Variants in OTOL1 observed in about 807,000 individuals in gnomAD.
The protein encoded by OTOL1 is otolin 1, also known as otolin-1.
OTOL1 carries 31 observed loss-of-function variants against 25.0 expected under a neutral mutation model. That is an observed-to-expected ratio of 1.24 (90% CI 0.93 to 1.67). OTOL1 has a LOEUF of 1.67. OTOL1 is among the 40% of genes most tolerant of loss of function. The probability of loss-of-function intolerance (pLI) is 0.00; values close to 1 mark genes in which losing one functional copy is unlikely to be tolerated. For synonymous variants in OTOL1, 225 were observed against 210.3 expected, an observed-to-expected ratio of 1.07 and a Z score of -0.61; for missense variants, 654 against 587.7, an observed-to-expected ratio of 1.11 and a Z score of -1.17.
In OTOL1 at chr3:161,499,275, C is replaced by T. The variant is rs1489387682; in HGVS notation, c.454+15C>T. The stretch of plus-strand genomic sequence containing the variant: ...AGGAGAGAAAGGTAGGTAATTCATT[C>T]ATGTCAAAACTCAAGGGACATTCTG... On this transcript the variant is annotated intron_variant, in intron 2 of 3. Transcript: ENST00000327928. 1 of 1,563,328 alleles carries T rather than the reference C, an allele frequency of 6.4e-7. No individual in the cohort carries two copies. Among genetic ancestry groups the T allele is most frequent in the Non-Finnish European group, 8.7e-7 (1 of 1,151,048 alleles).
intron 3 of OTOL1, 40 bp downstream of exon 3, chr3:161,502,409 G>A (rs377763520): frequency 1.4e-5 from 21 of 1,497,856 alleles, no homozygotes; most frequent in African/African-American, 4.1e-5. Flanking sequence ...AGTCAGGTGC[G>A]CAGTATAGCC....
chr3:161,502,303 T>G lies in OTOL1; in HGVS notation c.455-4T>G. On this transcript the variant is annotated splice_region_variant and splice_polypyrimidine_tract_variant and intron_variant, in intron 2 of 3. Transcript: ENST00000327928. ...GTAAAAAGTTAATCTTGGTATCATC[T>G]TAGGACTCAAAGGAGAACGTGGGGA... The G allele has an allele frequency of 1.9e-6, 3 of 1,611,976 alleles. No homozygotes were observed. The highest frequency in any genetic ancestry group is 1.7e-6 in the Non-Finnish European group (2 of 1,178,676).
chr3:161,502,535 G>A (rs1221896630), intron 3 of OTOL1, among the ~76,000 whole-genome samples, 166 bp downstream of exon 3: 1 of 152,148 alleles, frequency 6.6e-6, no homozygotes, highest in Non-Finnish European at 1.5e-5. Flanking sequence ...AACCAGTCTA[G>A]GAATTTGGAG....
intron 1 of OTOL1, among the ~76,000 whole-genome samples, chr3:161,497,496 A>T (rs1718864917): frequency 6.6e-6 from 1 of 152,148 alleles, no homozygotes; most frequent in Admixed American, 6.6e-5. Context: ...TGCTGGTGAG[A>T]GCAAAGTCAG....
Position 161,503,232 on chromosome 3 carries a change from G to T in OTOL1, c.724G>T (p.Gly242Cys). 1 of 1,459,174 alleles carries T rather than the reference G, an allele frequency of 6.9e-7. No homozygotes were observed. Among genetic ancestry groups the T allele is most frequent in the Non-Finnish European group, 9.0e-7 (1 of 1,106,078 alleles). The allele number at this position is 1,459,174 out of a possible 1,614,324, so 90.4% of individuals were successfully genotyped here. Residue 242 changes from glycine (G) to cysteine (C), a missense_variant, in exon 4 of 4, where the codon GGC (glycine) becomes TGC (cysteine). Coordinates refer to ENST00000327928, the MANE Select transcript of OTOL1 (RefSeq NM_001080440.1). Reference protein sequence around the residue: ...MGEKGEMGDKGCCGDSGERGG... With the variant: ...MGEKGEMGDKCCCGDSGERGG... ...GGAGAAGGGGGAGATGGGGGATAAGGGCTGCTGTGGAGATTCTGGGGAGAG... is the reference window on the plus strand; with the variant it reads ...GGAGAAGGGGGAGATGGGGGATAAGTGCTGCTGTGGAGATTCTGGGGAGAG...
At chr3:161,500,654 T>C (rs1455629303) in intron 2 of OTOL1, among the ~76,000 whole-genome samples, 1 of 152,198 alleles carries the variant, frequency 6.6e-6, no homozygotes, top group Non-Finnish European at 1.5e-5. Context: ...TTTCGAGGAA[T>C]TCAAGAAGCA....
chr3:161,503,787 G>A lies in OTOL1; in HGVS notation c.1279G>A (p.Ala427Thr), dbSNP rs1719042910. ...ETLYGQEIDQASLLVILKLSA... is the reference protein window; with the variant it reads ...ETLYGQEIDQTSLLVILKLSA... ...TCTCTATGGTCAGGAAATAGACCAG[G>A]CCTCTCTCCTCGTCATCTTGAAATT... The change falls in exon 4 of 4, where the codon GCC (alanine) becomes ACC (threonine). Residue 427 changes from alanine (A) to threonine (T), a missense_variant. Transcript: ENST00000327928. 2 of 1,613,892 alleles carry A rather than the reference G, an allele frequency of 1.2e-6. No homozygotes were observed. Among genetic ancestry groups the A allele is most frequent in the Non-Finnish European group, 1.7e-6 (2 of 1,179,846 alleles).
intron 1 of OTOL1, among the ~76,000 whole-genome samples, chr3:161,497,782 G>A (rs1718873541): frequency 6.6e-6 from 1 of 151,914 alleles, no homozygotes; most frequent in Non-Finnish European, 1.5e-5. Context: ...TTTCTCCATT[G>A]AACACCATGG....
chr3:161,497,103 T>A lies in OTOL1; in HGVS notation c.296T>A (p.Leu99Ter). 1 of 1,613,624 alleles carries A rather than the reference T, an allele frequency of 6.2e-7. No individual in the cohort carries two copies. The highest frequency in any genetic ancestry group is 1.1e-5 in the South Asian group (1 of 91,074). The change falls in exon 1 of 4, where the codon TTG becomes TAG. Residue 99 changes from leucine to a stop codon, truncating the protein, a stop_gained. Coordinates refer to ENST00000327928, the MANE Select transcript of OTOL1 (RefSeq NM_001080440.1). LOFTEE classifies it high-confidence loss of function. ...NFTLDPADFF[L>*]NCCDCCSPVP... ...ACTCTTGACCCAGCTGATTTCTTTT[T>A]GAATTGTTGTGATTGTTGTTCACCT...
chr3:161,497,729 C>A (rs1469346134), intron 1 of OTOL1, among the ~76,000 whole-genome samples: 1 of 151,862 alleles, frequency 6.6e-6, no homozygotes, highest in Non-Finnish European at 1.5e-5. Flanking sequence ...CCATTTGCTT[C>A]TCATTGAATT....
Position 161,502,389 on chromosome 3 carries a change from T to G in OTOL1, c.517+20T>G. On this transcript the variant is annotated intron_variant, in intron 3 of 3. Coordinates refer to ENST00000327928, the MANE Select transcript of OTOL1 (RefSeq NM_001080440.1). ...CACAAGGTAGAGCATGAAATGTATCTACTGTGTACAGTCAGGTGCGCAGTA... is the reference window on the plus strand; with the variant it reads ...CACAAGGTAGAGCATGAAATGTATCGACTGTGTACAGTCAGGTGCGCAGTA... 1 of 1,604,504 alleles carries G rather than the reference T, an allele frequency of 6.2e-7. No individual in the cohort carries two copies. The highest frequency in any genetic ancestry group is 8.5e-7 in the Non-Finnish European group (1 of 1,172,688).
chr3:161,497,244 A>G, intron 1 of OTOL1, 73 bp downstream of exon 1: 1 of 1,515,050 alleles, frequency 6.6e-7, no homozygotes, highest in Non-Finnish European at 8.9e-7. Flanking sequence ...TGTCGGGTGA[A>G]ATTGCCCCAG....
chr3:161,502,744 A>C (rs1013625399), intron 3 of OTOL1, among the ~76,000 whole-genome samples: 4 of 152,178 alleles, frequency 2.6e-5, no homozygotes, highest in African/African-American at 9.6e-5. Context: ...CAGTCCTAAT[A>C]TTCTTTATTA....
rs761586379 is a variant in OTOL1, at chr3:161,503,534, G to C, written c.1026G>C (p.Arg342=). Residue 342 remains arginine (R), a synonymous_variant, in exon 4 of 4, where the codon CGG becomes CGC. Transcript: ENST00000327928. ...GSKGELARVP[R]SAFSAGLSKP... ...AGGGTGAGTTGGCTAGAGTGCCCCG[G>C]TCGGCTTTCAGCGCTGGTTTGTCAA... 9.7e-5 allele frequency: 157 copies of C among 1,613,724 alleles called. No homozygotes were observed. Among genetic ancestry groups the C allele is most frequent in the Admixed American group, 2.0e-4 (12 of 59,994 alleles).
chr3:161,497,208 T>C (rs199691131), intron 1 of OTOL1, 37 bp downstream of exon 1: 3 of 1,570,276 alleles, frequency 1.9e-6, no homozygotes, highest in Non-Finnish European at 2.6e-6. Flanking sequence ...TTCTCACTTG[T>C]ACATTGGTAG....
intron 1 of OTOL1, among the ~76,000 whole-genome samples, chr3:161,497,520 C>T (rs1718865577): frequency 1.3e-5 from 2 of 152,114 alleles, no homozygotes; most frequent in Admixed American, 6.6e-5. Context: ...TTACCAACTC[C>T]AGCATGGTGC....
intron 1 of OTOL1, 32 bp from the exon 2 acceptor site, chr3:161,499,139 A>G (rs1718909865): frequency 6.6e-7 from 1 of 1,510,732 alleles, no homozygotes; most frequent in Non-Finnish European, 9.1e-7. Flanking sequence ...GAGAAATTTT[A>G]TATTCTGATG....
intron 2 of OTOL1, 77 bp from the exon 3 acceptor site, chr3:161,502,230 G>T: frequency 7.6e-7 from 1 of 1,320,690 alleles, no homozygotes; most frequent in South Asian, 1.3e-5. Context: ...ACTAGAATGT[G>T]ACATGGTTGT....
At chr3:161,502,398 C>G (rs369028801) in intron 3 of OTOL1, 29 bp downstream of exon 3, 169 of 1,581,756 alleles carry the variant, frequency 1.1e-4, no homozygotes, top group Non-Finnish European at 1.4e-4. Flanking sequence ...CTACTGTGTA[C>G]AGTCAGGTGC....
Sources: gnomAD v4.1 joint callset for allele counts (sites outside exome capture counted in the v4.1 genomes callset) on GRCh38, gnomAD v4.1.1 for gene constraint, MANE v1.5 for transcripts, NCBI Gene and HGNC (gene_info 2026-07-23, HGNC 2026-07-21) for gene names.